The following CAST variants were observed in gnomAD, a reference collection of about 807,000 sequenced individuals.
CAST encodes the protein calpastatin.
Under a neutral mutation model 119.6 loss-of-function variants are expected in CAST, and 76 were observed. The observed-to-expected ratio is 0.64, with a 90% CI of 0.53 to 0.77. CAST has a LOEUF of 0.77. Among genes scored for constraint, CAST ranks in the 30% least tolerant of loss-of-function variants. The pLI is 0.00. For synonymous variants in CAST, 319 were observed against 331.6 expected (o/e 0.96, Z 0.41); for missense variants, 953 against 946.5 (o/e 1.01, Z -0.09).
At chr5:96,162,782 A>AAT in the CAST span, among the ~76,000 whole-genome samples, 1 of 152,066 alleles carries the variant, frequency 6.6e-6, no homozygotes, top group East Asian at 1.9e-4. Context: ...AACCCTTTTT[A>AAT]ATATATTGCT....
chr5:96,346,305 G>A, the CAST span, among the ~76,000 whole-genome samples: 4 of 152,178 alleles, frequency 2.6e-5, no homozygotes, highest in East Asian at 1.9e-4. Context: ...CTGCTGTTTC[G>A]GACATATTAG....
chr5:96,394,063 G>C, the CAST span, among the ~76,000 whole-genome samples: 3 of 152,218 alleles, frequency 2.0e-5, no homozygotes, highest in African/African-American at 7.2e-5. Context: ...TAGAATTCAA[G>C]CTGAGGCCTT....
the CAST span, among the ~76,000 whole-genome samples, chr5:96,084,190 T>TAAA: frequency 1.3e-5 from 2 of 151,844 alleles, no homozygotes; most frequent in South Asian, 2.1e-4. Flanking sequence ...ATAATAATAA[T>TAAA]AAAGTTCCAA....
At chr5:96,719,959 T>G (rs934762073) in intron 3 of CAST, among the ~76,000 whole-genome samples, 4 of 152,232 alleles carry the variant, frequency 2.6e-5, no homozygotes, top group African/African-American at 7.2e-5. Flanking sequence ...TGAACTGCTA[T>G]GGTTCCCTCA....
At chr5:95,981,260 TG>T in the CAST span, among the ~76,000 whole-genome samples, 130 of 152,272 alleles carry the variant, frequency 8.5e-4, no homozygotes, top group African/African-American at 2.9e-3. Context: ...TTAAACCTCA[TG>T]GGGTAAAGGA....
chr5:96,149,713 A>G, the CAST span, among the ~76,000 whole-genome samples: 1 of 152,228 alleles, frequency 6.6e-6, no homozygotes, highest in Non-Finnish European at 1.5e-5. Context: ...TGTCAGCAGA[A>G]CTGGCATTGC....
At chr5:96,478,510 G>A in the CAST span, among the ~76,000 whole-genome samples, 1 of 152,296 alleles carries the variant, frequency 6.6e-6, no homozygotes, top group South Asian at 2.1e-4. Context: ...TTCTCTGGAA[G>A]GTCAACAGTC....
intron 27 of CAST, among the ~76,000 whole-genome samples, chr5:96,767,166 A>C (rs1471088694): frequency 6.6e-6 from 1 of 152,268 alleles, no homozygotes; most frequent in East Asian, 1.9e-4. Flanking sequence ...GTGATAATAC[A>C]TGATGGCAGA....
intron 1 of CAST, among the ~76,000 whole-genome samples, chr5:96,610,153 G>C (rs749512644): frequency 9.9e-5 from 15 of 152,136 alleles, no homozygotes; most frequent in African/African-American, 3.6e-4. Flanking sequence ...GGCCATTCCC[G>C]TGCACATGCT....
the CAST span, among the ~76,000 whole-genome samples, chr5:96,236,194 C>T: frequency 6.6e-6 from 1 of 152,138 alleles, no homozygotes; most frequent in South Asian, 2.1e-4. Flanking sequence ...GAGTTGGCTC[C>T]TCTTGGGAAA....
chr5:96,762,435 AG>A, intron 25 of CAST, 63 bp downstream of exon 25: 1 of 1,215,734 alleles, frequency 8.2e-7, no homozygotes, highest in Non-Finnish European at 1.2e-6. Flanking sequence ...GAAAGAAAAT[AG>A]GGCGCCTGTT....
chr5:96,142,133 C>A, the CAST span, among the ~76,000 whole-genome samples: 5 of 152,108 alleles, frequency 3.3e-5, no homozygotes, highest in Admixed American at 1.3e-4. Flanking sequence ...TTTGAATTGG[C>A]CAGGCACAGT....
chr5:96,735,133 T>A (rs760938778), intron 9 of CAST, among the ~76,000 whole-genome samples: 6 of 152,226 alleles, frequency 3.9e-5, no homozygotes, highest in Non-Finnish European at 7.3e-5. Context: ...ATTGTAACAG[T>A]CACTTATTTA....
chr5:95,995,786 C>T, the CAST span, among the ~76,000 whole-genome samples: 1,165 of 152,166 alleles, frequency 7.7e-3, 13 homozygotes, highest in African/African-American at 0.027. Context: ...GTGAGGTGCA[C>T]ATCCCTGTCC....
At chr5:96,603,053 G>T (rs1328414164) in intron 1 of CAST, among the ~76,000 whole-genome samples, 2 of 152,182 alleles carry the variant, frequency 1.3e-5, no homozygotes, top group Non-Finnish European at 2.9e-5. Flanking sequence ...GATTCAGGAT[G>T]TGAAAAAAAG....
At chr5:96,338,528 G>T in the CAST span, among the ~76,000 whole-genome samples, 2 of 152,134 alleles carry the variant, frequency 1.3e-5, no homozygotes, top group Non-Finnish European at 2.9e-5. Context: ...TCTGAGTCTG[G>T]AGTGGGAAAA....
At chr5:96,735,320 C>CTTT (rs1761408382) in intron 9 of CAST, among the ~76,000 whole-genome samples, 1 of 152,224 alleles carries the variant, frequency 6.6e-6, no homozygotes, top group Non-Finnish European at 1.5e-5. Context: ...AGAGCCTGTG[C>CTTT]TCTTCCTGTG....
At chr5:96,034,919 C>G in the CAST span, among the ~76,000 whole-genome samples, 403 of 151,222 alleles carry the variant, frequency 2.7e-3, 1 homozygote, top group African/African-American at 8.8e-3. Context: ...CTAGGTTCAT[C>G]CATGTTGTCA....
chr5:96,553,867 AAGG>A (rs1337126713), intron 1 of CAST, among the ~76,000 whole-genome samples: 1 of 152,212 alleles, frequency 6.6e-6, no homozygotes, highest in Non-Finnish European at 1.5e-5. Context: ...GGACCTCTTC[AAGG>A]AGAACTACAA....
Sources: gnomAD v4.1 joint callset for allele counts (sites outside exome capture counted in the v4.1 genomes callset) on GRCh38, gnomAD v4.1.1 for gene constraint, MANE v1.5 for transcripts, NCBI Gene and HGNC (gene_info 2026-07-23, HGNC 2026-07-21) for gene names.